Variants in SOX5 observed in about 807,000 individuals in gnomAD.
The protein encoded by SOX5 is transcription factor SOX-5.
A neutral mutation model predicts 92.0 loss-of-function variants in SOX5; 9 were observed. The observed-to-expected ratio is 0.10, with a 90% confidence interval of 0.06 to 0.17. The LOEUF is 0.17. SOX5 is among the 10% of genes least tolerant of loss of function. SOX5 has a pLI of 1.00. For synonymous variants in SOX5, 344 were observed against 336.3 expected (o/e 1.02, Z -0.25); for missense variants, 642 against 944.5 (o/e 0.68, Z 4.20).
intron 3 of SOX5, among the ~76,000 whole-genome samples, chr12:23,826,027 CTT>C (rs78309862): frequency 6.6e-6 from 1 of 151,338 alleles, no homozygotes; most frequent in African/African-American, 2.4e-5. Flanking sequence ...TTTCATTTCT[CTT>C]TTTTTTTATT....
chr12:24,403,034 A>G (rs958023988), intron 1 of SOX5, among the ~76,000 whole-genome samples: 7 of 152,176 alleles, frequency 4.6e-5, no homozygotes, highest in Non-Finnish European at 8.8e-5. Context: ...TCTTCCCATG[A>G]TATCACTCCC....
At chr12:23,854,812 CT>C (rs953151196) in intron 2 of SOX5, among the ~76,000 whole-genome samples, 1 of 152,012 alleles carries the variant, frequency 6.6e-6, no homozygotes, top group Non-Finnish European at 1.5e-5. Flanking sequence ...ATTTTCTCAT[CT>C]GCAAAATGGG....
At chr12:23,782,846 C>T (rs1366883391) in intron 3 of SOX5, among the ~76,000 whole-genome samples, 1 of 152,040 alleles carries the variant, frequency 6.6e-6, no homozygotes, top group Non-Finnish European at 1.5e-5. Flanking sequence ...TTGGATGAAG[C>T]AAATCTACAA....
At chr12:23,848,384 A>T (rs971224390) in intron 2 of SOX5, among the ~76,000 whole-genome samples, 1 of 152,218 alleles carries the variant, frequency 6.6e-6, no homozygotes, top group African/African-American at 2.4e-5. Context: ...CAAGTATTCT[A>T]AACTCAGTTG....
intron 1 of SOX5, among the ~76,000 whole-genome samples, chr12:23,924,902 A>G (rs1939505601): frequency 6.6e-6 from 1 of 152,088 alleles, no homozygotes; most frequent in Non-Finnish European, 1.5e-5. Context: ...TGCTCATAAA[A>G]TAAGTTAATA....
chr12:24,038,260 G>C (rs17483104), intron 4 of SOX5, among the ~76,000 whole-genome samples: 25,887 of 152,138 alleles, frequency 0.17, 2,328 homozygotes, highest in Non-Finnish European at 0.21. Context: ...AGCTCTGTCA[G>C]TGGCAGGGAT....
intron 1 of SOX5, among the ~76,000 whole-genome samples, chr12:24,471,795 G>A (rs1423302853): frequency 2.6e-5 from 4 of 151,454 alleles, no homozygotes; most frequent in Admixed American, 6.6e-5. Flanking sequence ...CATCAGTTAC[G>A]TTATCAAAAA....
chr12:23,592,534 AT>A lies in SOX5; in HGVS notation c.1164+11852del, dbSNP rs1433332455. ...GGAGATTCAGGACTAGAAAAGGAGC[AT>A]GTTCTTCCCATTACAACCTGGTATA... On this transcript the variant is annotated intron_variant, in intron 9 of 14. Coordinates refer to ENST00000451604, the MANE Select transcript of SOX5 (RefSeq NM_006940.6). Among the ~76,000 whole-genome samples the A allele has an allele frequency of 6.6e-5, 10 of 152,318 alleles. 1 individual carries two copies. The highest frequency in any genetic ancestry group is 2.4e-4 in the African/African-American group (10 of 41,574).
At chr12:24,360,553 A>C (rs1049522182) in intron 2 of SOX5, among the ~76,000 whole-genome samples, 4 of 152,196 alleles carry the variant, frequency 2.6e-5, no homozygotes, top group African/African-American at 9.6e-5. Flanking sequence ...AGCTAGAACT[A>C]AAAAAGCTAA....
rs553819222 is a variant in SOX5, at chr12:24,431,349, T to C, written c.-250-62710A>G. 2.2e-3 allele frequency among the ~76,000 whole-genome samples: 330 copies of C among 152,322 alleles called. 1 individual carries two copies. The highest frequency in any genetic ancestry group is 7.5e-3 in the African/African-American group (310 of 41,566). On this transcript the variant is annotated intron_variant, in intron 1 of 4. Coordinates refer to the SOX5 transcript ENST00000446891. ...AACTATCTAGTAAATAGTCCACTGA[T>C]GCTAAAGTCCCCATCATGCTCTGCA... is the stretch of plus-strand genomic sequence containing the variant.
chr12:23,853,551 T>TTTG (rs1346912441), intron 2 of SOX5, among the ~76,000 whole-genome samples: 2 of 151,664 alleles, frequency 1.3e-5, no homozygotes, highest in Admixed American at 6.6e-5. Context: ...GTGTTTTTTT[T>TTTG]TTTTTTTTTT....
intron 3 of SOX5, among the ~76,000 whole-genome samples, chr12:24,239,769 GTC>G (rs1490769845): frequency 1.3e-5 from 2 of 152,206 alleles, no homozygotes; most frequent in Non-Finnish European, 2.9e-5. Flanking sequence ...GCCAGGAAGA[GTC>G]TCATCTTAGA....
intron 2 of SOX5, among the ~76,000 whole-genome samples, chr12:23,885,114 G>T (rs2137265727): frequency 6.6e-6 from 1 of 152,260 alleles, no homozygotes; most frequent in Admixed American, 6.5e-5. Flanking sequence ...GCCTGAAGAT[G>T]AATACTGATA....
chr12:24,431,754 T>G (rs1938376884), intron 1 of SOX5, among the ~76,000 whole-genome samples: 1 of 152,190 alleles, frequency 6.6e-6, no homozygotes, highest in South Asian at 2.1e-4. Flanking sequence ...AATTTATATC[T>G]TTAACAGAGA....
intron 4 of SOX5, among the ~76,000 whole-genome samples, chr12:24,187,127 G>T (rs189063135): frequency 6.6e-6 from 1 of 152,262 alleles, no homozygotes; most frequent in Non-Finnish European, 1.5e-5. Context: ...CCATCTCATG[G>T]ATATTCTACC....
chr12:23,559,150 G>T (rs531645777), intron 11 of SOX5, among the ~76,000 whole-genome samples: 56 of 152,190 alleles, frequency 3.7e-4, no homozygotes, highest in African/African-American at 1.3e-3. Context: ...TATTAATATG[G>T]ATACTTTCAA....
chr12:23,683,802 C>G (rs1057466082), intron 6 of SOX5, among the ~76,000 whole-genome samples: 1 of 152,012 alleles, frequency 6.6e-6, no homozygotes, highest in Non-Finnish European at 1.5e-5. Flanking sequence ...TCATCCTCTG[C>G]ACTAACCCTA....
At chr12:23,779,163 A>T (rs370479605) in intron 3 of SOX5, among the ~76,000 whole-genome samples, 1 of 152,146 alleles carries the variant, frequency 6.6e-6, no homozygotes, top group Non-Finnish European at 1.5e-5. Context: ...AAACTTTCAT[A>T]AATTGTCATT....
chr12:24,021,057 C>A (rs1298198963), intron 4 of SOX5, among the ~76,000 whole-genome samples: 2 of 152,280 alleles, frequency 1.3e-5, no homozygotes, highest in East Asian at 1.9e-4. Flanking sequence ...TCACAACCAC[C>A]ACAGGAGCGA....
Sources: gnomAD v4.1 joint callset for allele counts (sites outside exome capture counted in the v4.1 genomes callset) on GRCh38, gnomAD v4.1.1 for gene constraint, MANE v1.5 for transcripts, NCBI Gene and HGNC (gene_info 2026-07-23, HGNC 2026-07-21) for gene names.